Variants in LOXHD1 observed in about 807,000 individuals in gnomAD.
LOXHD1 encodes lipoxygenase homology PLAT domains 1, also known as lipoxygenase homology domain-containing protein 1.
LOXHD1 carries 205 observed loss-of-function variants against 248.2 expected under a neutral mutation model. The observed-to-expected ratio is 0.83, with a 90% CI of 0.74 to 0.93. The LOEUF is 0.93. Among genes scored for constraint, LOXHD1 ranks in the 40% least tolerant of loss-of-function variants. The probability of loss-of-function intolerance (pLI) is 0.00; values close to 1 mark genes in which losing one functional copy is unlikely to be tolerated. For synonymous variants in LOXHD1, 1,113 were observed against 1,162.8 expected, an observed-to-expected ratio of 0.96 and a Z score of 0.87; for missense variants, 2,930 against 2,971.6, an observed-to-expected ratio of 0.99 and a Z score of 0.33.
intron 37 of LOXHD1, among the ~76,000 whole-genome samples, chr18:46,502,642 C>T (rs2143834809): frequency 6.6e-6 from 1 of 152,200 alleles, no homozygotes; most frequent in South Asian, 2.1e-4. Flanking sequence ...GCTCCTCTTG[C>T]CCCTGCCCCT....
rs546477557 is a variant in LOXHD1 at position 46,583,185 on chromosome 18, G to T, written c.1655-3401C>A. ...CAAGAAAAAATAGACAATCTAAATA[G>T]ACATATAAAAAGTGAAAAGATTGAT... On this transcript the variant is annotated intron_variant, in intron 12 of 40. Transcript: ENST00000642948. Among the ~76,000 whole-genome samples the T allele has an allele frequency of 2.5e-3, 384 of 152,206 alleles. 1 individual carries two copies. In the Middle Eastern group the frequency reaches 0.044, roughly 18 times the overall value.
intron 29 of LOXHD1, 74 bp downstream of exon 29, chr18:46,529,103 C>G: frequency 2.6e-6 from 4 of 1,528,670 alleles, no homozygotes; most frequent in Non-Finnish European, 3.5e-6. Context: ...CCCCAGGAAC[C>G]AAGAAGAGCT....
intron 4 of LOXHD1, among the ~76,000 whole-genome samples, chr18:46,631,997 C>T (rs1260283839): frequency 1.3e-5 from 2 of 152,194 alleles, no homozygotes; most frequent in Non-Finnish European, 2.9e-5. Context: ...CAGGAGCCAA[C>T]ACAATCTGAG....
chr18:46,577,720 A>G lies in LOXHD1; in HGVS notation c.1957T>C (p.Phe653Leu), dbSNP rs1189867606. The G allele has an allele frequency of 7.7e-6, 12 of 1,551,034 alleles. No homozygotes were observed. The highest frequency in any genetic ancestry group is 1.0e-5 in the Non-Finnish European group (12 of 1,146,654). Reference sequence around the variant, plus strand: ...GGACGCATGTACCTGAGACATGGGAACTCCACGTTGTCGCTCTCAGGCTGC... The same window carrying G: ...GGACGCATGTACCTGAGACATGGGAGCTCCACGTTGTCGCTCTCAGGCTGC... ...EGQPESDNVE[F>L]PCLRWLDKDK... Residue 653 changes from phenylalanine (F) to leucine (L), a missense_variant, in exon 14 of 41, where the codon TTC (phenylalanine) becomes CTC (leucine). Physicochemically the swap from Phe to Leu is conservative, Grantham distance 22. Transcript: ENST00000642948.
intron 1 of LOXHD1, among the ~76,000 whole-genome samples, chr18:46,650,808 A>T (rs2039100984): frequency 6.6e-6 from 1 of 152,184 alleles, no homozygotes; most frequent in Non-Finnish European, 1.5e-5. Flanking sequence ...GCCCAGAGCC[A>T]GTGTGGGCTG....
chr18:46,508,418 C>T (rs907880779), intron 35 of LOXHD1, among the ~76,000 whole-genome samples: 4 of 152,216 alleles, frequency 2.6e-5, no homozygotes, highest in African/African-American at 9.6e-5. Flanking sequence ...GCACCCAGAA[C>T]GCCATGTGAA....
intron 40 of LOXHD1, among the ~76,000 whole-genome samples, chr18:46,482,224 G>C (rs954223524): frequency 6.6e-6 from 1 of 152,178 alleles, no homozygotes; most frequent in East Asian, 1.9e-4. Context: ...GAACAGAGTT[G>C]TATCTCCCCA....
chr18:46,504,431 T>C (rs1289161007), intron 37 of LOXHD1, among the ~76,000 whole-genome samples: 1 of 152,218 alleles, frequency 6.6e-6, no homozygotes, highest in African/African-American at 2.4e-5. Context: ...GAGAATCAAA[T>C]GTTTGTATCT....
chr18:46,583,533 A>G (rs1398595328), intron 12 of LOXHD1, among the ~76,000 whole-genome samples: 1 of 152,226 alleles, frequency 6.6e-6, no homozygotes, highest in East Asian at 1.9e-4. Context: ...AAAGACCTTA[A>G]CAGACATTTC....
intron 16 of LOXHD1, among the ~76,000 whole-genome samples, chr18:46,566,699 T>G (rs761768909): frequency 6.6e-6 from 1 of 152,126 alleles, no homozygotes; most frequent in Non-Finnish European, 1.5e-5. Flanking sequence ...CCCAGGGCCA[T>G]AGTGAGAAAC....
rs1314918327 is a variant in LOXHD1, at chr18:46,559,584, T to A, written c.3080A>T (p.Gln1027Leu). ...CTTGGGCACATTCCCCGTGACCACC[T>A]GAACCTCATAGGTGTTTCCTGTAGA... ...PGPERNTYEV[Q>L]VVTGNVPKAG... Residue 1027 changes from glutamine to leucine, a missense_variant, in exon 20 of 41, where the codon CAG (glutamine) becomes CTG (leucine). Coordinates refer to ENST00000642948, the MANE Select transcript of LOXHD1 (RefSeq NM_001384474.1). 1 of 1,551,846 alleles carries A rather than the reference T, an allele frequency of 6.4e-7. No individual in the cohort carries two copies. Among genetic ancestry groups the A allele is most frequent in the Non-Finnish European group, 8.7e-7 (1 of 1,147,006 alleles).
intron 12 of LOXHD1, among the ~76,000 whole-genome samples, chr18:46,588,142 G>A (rs1276723311): frequency 6.6e-6 from 1 of 151,976 alleles, no homozygotes; most frequent in Admixed American, 6.6e-5. Context: ...TTTATTGTTA[G>A]AAAACATTCC....
chr18:46,596,509 G>A (rs931547115), intron 8 of LOXHD1, among the ~76,000 whole-genome samples: 12 of 152,176 alleles, frequency 7.9e-5, no homozygotes, highest in African/African-American at 2.7e-4. Flanking sequence ...ACAAAATGGA[G>A]ATTCCAAACT....
At chr18:46,542,645 C>T (rs1255779757) in intron 24 of LOXHD1, 82 bp downstream of exon 24, 1 of 1,509,724 alleles carries the variant, frequency 6.6e-7, no homozygotes, top group Admixed American at 2.1e-5. Context: ...TTCAAATTTC[C>T]AGAATCTTTC....
chr18:46,628,076 C>T (rs997604077), intron 4 of LOXHD1, among the ~76,000 whole-genome samples: 27 of 152,328 alleles, frequency 1.8e-4, no homozygotes, highest in Admixed American at 4.6e-4. Context: ...CATGAGCTGG[C>T]ACCAAAAGCC....
chr18:46,651,020 G>T (rs2039104376), intron 1 of LOXHD1, among the ~76,000 whole-genome samples: 1 of 152,202 alleles, frequency 6.6e-6, no homozygotes, highest in Admixed American at 6.5e-5. Context: ...ATAGTAACCT[G>T]GTTTTAAAAC....
At chr18:46,537,189 G>T (rs899626784) in intron 26 of LOXHD1, among the ~76,000 whole-genome samples, 1 of 152,120 alleles carries the variant, frequency 6.6e-6, no homozygotes, top group South Asian at 2.1e-4. Context: ...AGTAAGCTCA[G>T]TCCATTTGCT....
chr18:46,629,136 A>C (rs186242443), intron 4 of LOXHD1, among the ~76,000 whole-genome samples: 8 of 152,256 alleles, frequency 5.3e-5, no homozygotes, highest in Non-Finnish European at 1.0e-4. Context: ...CACTCTAGTA[A>C]TCCTGAAAAG....
Position 46,560,129 on chromosome 18 carries a change from G to T in LOXHD1, c.3015C>A (p.Asn1005Lys). The T allele has an allele frequency of 6.6e-7, 1 of 1,509,876 alleles. No homozygotes were observed. Among genetic ancestry groups the T allele is most frequent in the South Asian group, 1.2e-5 (1 of 83,428 alleles). 93.5% of individuals were successfully genotyped at this position (1,509,876 alleles called of 1,614,324 possible). ...HRWLARGKED[N>K]ELVVELVPAG... is the part of the protein sequence containing the mutation. ...CTGGCACCAACTCCACGACAAGTTCGTTGTCCTCCTTGCCCCGGGCCAGCC... is the reference window on the plus strand; with the variant it reads ...CTGGCACCAACTCCACGACAAGTTCTTTGTCCTCCTTGCCCCGGGCCAGCC... The change falls in exon 19 of 41, where the codon AAC becomes AAA. Residue 1005 changes from asparagine (N) to lysine (K), a missense_variant. By Grantham distance (94) the Asn-to-Lys change is moderately conservative (BLOSUM62 0). Transcript: ENST00000642948.
Sources: allele counts gnomAD v4.1 joint callset (sites outside exome capture counted in the v4.1 genomes callset), GRCh38; gene constraint gnomAD v4.1.1; transcripts MANE v1.5; gene names NCBI Gene and HGNC (gene_info 2026-07-23, HGNC 2026-07-21).